GPR55: variants seen among roughly 807,000 people sequenced by gnomAD.
The protein encoded by GPR55 is G protein-coupled receptor 55.
GPR55 carries 6 observed loss-of-function variants against 7.9 expected under a neutral mutation model. That is an observed-to-expected ratio of 0.76 (90% CI 0.41 to 1.49). The LOEUF is 1.49. Ranked by LOEUF, GPR55 falls within the 40% of genes most tolerant of loss-of-function variation. The pLI, the probability that GPR55 is intolerant of heterozygous loss-of-function variation, is 0.01. For missense variants in GPR55, 376 were observed against 406.0 expected, an observed-to-expected ratio of 0.93 and a Z score of 0.63; for synonymous variants, 183 against 166.8, an observed-to-expected ratio of 1.10 and a Z score of -0.75.
At chr2:230,937,206 T>C (rs1373265854) in intron 1 of GPR55, among the ~76,000 whole-genome samples, 3 of 151,932 alleles carry the variant, frequency 2.0e-5, no homozygotes, top group Non-Finnish European at 4.4e-5. Context: ...GTTTGAGACC[T>C]ACCTGGTCAA....
At chr2:230,912,725 G>T (rs1690622509) in intron 1 of GPR55, among the ~76,000 whole-genome samples, 1 of 152,174 alleles carries the variant, frequency 6.6e-6, no homozygotes, top group Admixed American at 6.5e-5. Context: ...CAGGCGGGAG[G>T]CCCCGCACCT....
At chr2:230,913,628 T>TA (rs11440173) in intron 1 of GPR55, among the ~76,000 whole-genome samples, 7,746 of 152,102 alleles carry the variant, frequency 0.051, 239 homozygotes, top group South Asian at 0.13. Context: ...TGTGTAGGAG[T>TA]AACTGGTCCT....
In GPR55 at chr2:230,923,060, G is replaced by A. The variant is rs1690875376; in HGVS notation, c.-135+2108C>T. Among the ~76,000 whole-genome samples, 1 of 152,192 alleles carries A rather than the reference G, an allele frequency of 6.6e-6. No individual in the cohort carries two copies. The highest frequency in any genetic ancestry group is 1.5e-5 in the Non-Finnish European group (1 of 68,034). On this transcript the variant is annotated intron_variant, in intron 1 of 1. Coordinates refer to ENST00000650999, the MANE Select transcript of GPR55 (RefSeq NM_005683.4). The surrounding 1 kb of genome is among the most constrained non-coding windows in gnomAD (Gnocchi z 4.1). ...TTCTGCAGCTGGGATTCCCGCAACT[G>A]CCAGTGGTCCATGGTACCCTCATCC...
Position 230,907,418 on chromosome 2 carries a change from C to G in GPR55, c.*2585G>C, listed in dbSNP as rs1690474008. The G allele has an allele frequency of 2.0e-5, 3 of 152,308 alleles. No homozygotes were observed. Among genetic ancestry groups the G allele is most frequent in the African/African-American group, 7.2e-5 (3 of 41,468 alleles). The allele number at this position is 152,308 out of a possible 1,614,324, so 9.4% of individuals were successfully genotyped here. A position where few individuals can be genotyped will look rare whatever the true frequency, so the allele number is the denominator to read the frequency against. On this transcript the variant is annotated 3_prime_UTR_variant, in exon 2 of 2. Transcript: ENST00000650999. ...GCCCCTCCTGTGCTGCTGGGCCCCA[C>G]TGCTGATTATGGGCCAGCTTGGGTT... is the stretch of plus-strand genomic sequence containing the variant.
At chr2:230,942,767 C>T (rs1691253796) in intron 1 of GPR55, among the ~76,000 whole-genome samples, 1 of 151,864 alleles carries the variant, frequency 6.6e-6, no homozygotes, top group Non-Finnish European at 1.5e-5. Context: ...GGGTGGGCAC[C>T]AGACCCAGAA....
At chr2:230,930,823 A>T (rs574331827) in intron 1 of GPR55, among the ~76,000 whole-genome samples, 1 of 152,264 alleles carries the variant, frequency 6.6e-6, no homozygotes, top group Admixed American at 6.5e-5. Flanking sequence ...GTCTCCATGA[A>T]TTATCCTGTA....
At chr2:230,935,070 G>A (rs564556926) in intron 1 of GPR55, among the ~76,000 whole-genome samples, 25 of 152,044 alleles carry the variant, frequency 1.6e-4, no homozygotes, top group Middle Eastern at 3.4e-3. Context: ...GGTCTCAGAG[G>A]AAACGCCTGG....
In GPR55 at chr2:230,910,858, C is replaced by A. The variant is rs1241359149; in HGVS notation, c.105G>T (p.Leu35=). ...CATGGATGGCCAGCAGGTTGAGGAG[C>A]AGGCCCAGGACGAAGGTGGGGATGT... ...AVHIPTFVLG[L]LLNLLAIHGF... The change falls in exon 2 of 2, where the codon CTG becomes CTT. Residue 35 remains leucine (L), a synonymous_variant. Transcript: ENST00000650999. The surrounding 1 kb of genome is among the most constrained non-coding windows in gnomAD (Gnocchi z 5.4). 1 of 1,614,162 alleles carries A rather than the reference C, an allele frequency of 6.2e-7. No homozygotes were observed. Among genetic ancestry groups the A allele is most frequent in the Admixed American group, 1.7e-5 (1 of 60,022 alleles).
rs539667087 is a variant in GPR55, at chr2:230,911,626, G to A, written c.-134-530C>T. On this transcript the variant is annotated intron_variant, in intron 1 of 1. Transcript: ENST00000650999. ...ACTTTTGCTTGGGTTTCCAGGCAGA[G>A]GGTTGGAGTCCCTTGTCAGGGATTC... 1.3e-4 allele frequency among the ~76,000 whole-genome samples: 20 copies of A among 152,350 alleles called. No homozygotes were observed. In the South Asian group the frequency reaches 3.5e-3, roughly 27 times the overall value.
chr2:230,910,143 T>G lies in GPR55; in HGVS notation c.820A>C (p.Met274Leu). The change falls in exon 2 of 2, where the codon ATG becomes CTG. Residue 274 changes from methionine to leucine, a missense_variant. Transcript: ENST00000650999. This position sits in a 1 kb window ranked among gnomAD's most constrained non-coding sequence, Gnocchi z 5.4. ...QSISFFLQLS[M>L]CFSNVNCCLD... is the part of the protein sequence containing the mutation. The stretch of plus-strand genomic sequence containing the variant: ...CAGCAGTTGACGTTGGAGAAACACA[T>G]GGACAATTGCAAGAAGAAGCTGATG... 1 of 1,614,126 alleles carries G rather than the reference T, an allele frequency of 6.2e-7. No homozygotes were observed. The highest frequency in any genetic ancestry group is 8.5e-7 in the Non-Finnish European group (1 of 1,180,012).
chr2:230,932,114 C>T (rs1487439232), intron 1 of GPR55, among the ~76,000 whole-genome samples: 1 of 152,232 alleles, frequency 6.6e-6, no homozygotes, highest in African/African-American at 2.4e-5. Flanking sequence ...GTCCTACAAA[C>T]CAGCCGCGGT....
chr2:230,958,413 G>C (rs1691523765), intron 1 of GPR55, among the ~76,000 whole-genome samples: 1 of 152,164 alleles, frequency 6.6e-6, no homozygotes, highest in Non-Finnish European at 1.5e-5. Flanking sequence ...TACTCTTTTA[G>C]TTATTGTTAA....
chr2:230,940,222 G>A (rs114880071), intron 1 of GPR55, among the ~76,000 whole-genome samples: 2,846 of 152,186 alleles, frequency 0.019, 84 homozygotes, highest in African/African-American at 0.065. Flanking sequence ...GGGGCTAACC[G>A]CTCATGGGGT....
Position 230,923,890 on chromosome 2 carries a change from G to T in GPR55, c.-135+1278C>A, listed in dbSNP as rs907934263. ...CAAGAGCATCTGGGATCCAGGAGTT[G>T]CCAAGCCCCCTCCTCACTTCTTTGC... On this transcript the variant is annotated intron_variant, in intron 1 of 1. Coordinates refer to ENST00000650999, the MANE Select transcript of GPR55 (RefSeq NM_005683.4). This position sits in a 1 kb window ranked among gnomAD's most constrained non-coding sequence, Gnocchi z 4.1. Among the ~76,000 whole-genome samples, 1 of 152,032 alleles carries T rather than the reference G, an allele frequency of 6.6e-6. No homozygotes were observed. Among genetic ancestry groups the T allele is most frequent in the African/African-American group, 2.4e-5 (1 of 41,366 alleles).
intron 1 of GPR55, among the ~76,000 whole-genome samples, chr2:230,918,725 A>T (rs984421720): frequency 6.6e-6 from 1 of 152,196 alleles, no homozygotes. Context: ...CAGATTCACT[A>T]TAGAAATGTA....
At chr2:230,921,726 A>G (rs2125055515) in intron 1 of GPR55, among the ~76,000 whole-genome samples, 1 of 152,334 alleles carries the variant, frequency 6.6e-6, no homozygotes, top group Middle Eastern at 3.4e-3. Flanking sequence ...AAGATCCTGG[A>G]AGTGGAATGG....
At position 230,956,921 on chromosome 2, in the gene GPR55, C is replaced by CTT. The variant is rs74270934; in HGVS notation, c.-135+3852_-135+3853dup. On this transcript the variant is annotated intron_variant, in intron 1 of 1. Transcript: ENST00000392039. Reference sequence around the variant, plus strand: ...GCCTCATGATGTAATTCAGATTAACCTTTTTTTTTTTTTCAGTTCTAAGAT... The same window carrying CTT: ...GCCTCATGATGTAATTCAGATTAACCTTTTTTTTTTTTTTTCAGTTCTAAGAT... 4.1e-3 allele frequency among the ~76,000 whole-genome samples: 594 copies of CTT among 145,746 alleles called. 25 individuals are homozygous for CTT. In the South Asian group the frequency reaches 0.082, roughly 20 times the overall value.
chr2:230,918,738 A>G (rs1574621745), intron 1 of GPR55, among the ~76,000 whole-genome samples: 1 of 152,172 alleles, frequency 6.6e-6, no homozygotes, highest in African/African-American at 2.4e-5. Flanking sequence ...GAAATGTAAG[A>G]TAGTTTCAGT....
At chr2:230,914,404 A>G (rs1466072743) in intron 1 of GPR55, among the ~76,000 whole-genome samples, 1 of 152,254 alleles carries the variant, frequency 6.6e-6, no homozygotes. Flanking sequence ...TGGGCTGGCA[A>G]GAAGAAATTA....
Sources: allele counts gnomAD v4.1 joint callset (sites outside exome capture counted in the v4.1 genomes callset), GRCh38; gene constraint gnomAD v4.1.1; non-coding constraint Gnocchi (gnomAD v3.1); transcripts MANE v1.5; gene names NCBI Gene and HGNC (gene_info 2026-07-23, HGNC 2026-07-21).